The following CLN8 variants were observed in gnomAD, a reference collection of about 807,000 sequenced individuals.
CLN8 encodes protein CLN8.
CLN8 carries 14 observed loss-of-function variants against 15.7 expected under a neutral mutation model. That is an observed-to-expected ratio of 0.89 (90% confidence interval 0.59 to 1.39). The LOEUF (loss-of-function observed/expected upper bound fraction) is 1.39, where lower values mean the gene tolerates loss of function less well. Among genes scored for constraint, CLN8 ranks in the 40% most tolerant of loss-of-function variants. CLN8 has a pLI of 0.00. For missense variants in CLN8, 415 were observed against 364.0 expected (o/e 1.14, Z -1.14); for synonymous variants, 188 against 151.0 (o/e 1.25, Z -1.80).
At chr8:1,779,003 A>G (rs949220603) in intron 2 of CLN8, among the ~76,000 whole-genome samples, 22 of 152,214 alleles carry the variant, frequency 1.4e-4, no homozygotes, top group African/African-American at 5.3e-4. Context: ...CATATAGCAC[A>G]AAGCCTGTTT....
At chr8:1,769,237 A>G (rs1221013969) in intron 1 of CLN8, among the ~76,000 whole-genome samples, 1 of 152,208 alleles carries the variant, frequency 6.6e-6, no homozygotes, top group African/African-American at 2.4e-5. Flanking sequence ...TGTCATTTGC[A>G]TCAGGTCCCA....
chr8:1,761,393 C>T (rs1361614692), upstream of CLN8, among the ~76,000 whole-genome samples: 2 of 152,278 alleles, frequency 1.3e-5, no homozygotes, highest in East Asian at 1.9e-4. Context: ...GGTGCGATTT[C>T]AGCACACTGC....
chr8:1,769,709 C>G (rs370535585), intron 1 of CLN8, among the ~76,000 whole-genome samples: 5 of 152,336 alleles, frequency 3.3e-5, no homozygotes, highest in African/African-American at 9.6e-5. Context: ...ACTTGAGACT[C>G]TGGTGTTTGT....
chr8:1,772,875 C>A, intron 2 of CLN8: 2 of 398,476 alleles, frequency 5.0e-6, no homozygotes, highest in South Asian at 2.6e-4. Context: ...TGCAAATGTT[C>A]AGCCATTCAC....
rs1316232897 is a variant in CLN8, at chr8:1,780,871, TG to T, written c.*306del. ...GCGTCACACCTGTTGAGGAGTGGGGTGGCTTTGAATGCTGGAAATGGCTTCA... is the reference window on the plus strand; with the variant it reads ...GCGTCACACCTGTTGAGGAGTGGGGTGCTTTGAATGCTGGAAATGGCTTCA... On this transcript the variant is annotated 3_prime_UTR_variant, in exon 3 of 3. Transcript: ENST00000331222. The T allele has an allele frequency of 2.1e-6, 1 of 465,804 alleles. No individual in the cohort carries two copies. Among genetic ancestry groups the T allele is most frequent in the Admixed American group, 3.8e-5 (1 of 26,334 alleles). The allele number at this position is 465,804 out of a possible 1,614,324, so 28.9% of individuals were successfully genotyped here.
At chr8:1,763,419 CCGCCCCCCGCCG>C (rs1459540352), upstream of CLN8, 1 of 40,222 alleles carries the variant, frequency 2.5e-5, no homozygotes. Flanking sequence ...CCGCCGCGCC[CCGCCCCCCGCCG>C]CGCCCCGCCC....
upstream of CLN8, chr8:1,763,407 C>CAGCG (rs1800866477): frequency 1.9e-5 from 1 of 53,610 alleles, no homozygotes; most frequent in Non-Finnish European, 3.6e-5. Context: ...GCGCCCCGCC[C>CAGCG]CCCGCCGCGC....
chr8:1,758,078 C>G (rs755207164), intron 1 of CLN8: 8 of 152,078 alleles, frequency 5.3e-5, no homozygotes, highest in Non-Finnish European at 7.4e-5. Context: ...CCCTTTAGTA[C>G]GATATCCCGA....
intron 1 of CLN8, chr8:1,758,596 T>C (rs1211836269): frequency 6.6e-6 from 1 of 152,244 alleles, no homozygotes; most frequent in Non-Finnish European, 1.5e-5. Flanking sequence ...CTTTGTCATT[T>C]AGCAGTGTGT....
intron 1 of CLN8, among the ~76,000 whole-genome samples, chr8:1,768,626 G>A (rs749066149): frequency 6.6e-6 from 1 of 152,148 alleles, no homozygotes; most frequent in Admixed American, 6.5e-5. Context: ...TGTTGTTCAC[G>A]TTAACCCTTG....
upstream of CLN8, chr8:1,763,361 G>T (rs1800860078): frequency 1.0e-5 from 1 of 97,764 alleles, no homozygotes; most frequent in African/African-American, 4.1e-5. Context: ...GTGGTTCAGC[G>T]CGTCCACCCC....
At chr8:1,773,087 T>C (rs563158336) in intron 2 of CLN8, 21 of 395,646 alleles carry the variant, frequency 5.3e-5, no homozygotes, top group African/African-American at 4.1e-4. Context: ...TCAGATACTG[T>C]GCTGGCACCT....
At position 1,771,277 on chromosome 8, in the gene CLN8, G is replaced by A; in HGVS notation, c.223G>A (p.Val75Ile). The change falls in exon 2 of 3, where the codon GTT (valine) becomes ATT (isoleucine). Residue 75 changes from valine (V) to isoleucine (I), a missense_variant. Transcript: ENST00000331222. ...DLAATRAVFG[V>I]QSTAAGLWAL... ...GGCGGCCACGCGTGCAGTCTTTGGT[G>A]TTCAGAGCACAGCCGCAGGCCTGTG... 3.7e-6 allele frequency: 6 copies of A among 1,614,120 alleles called. No individual in the cohort carries two copies. The highest frequency in any genetic ancestry group is 5.1e-6 in the Non-Finnish European group (6 of 1,179,966).
intron 1 of CLN8, among the ~76,000 whole-genome samples, chr8:1,766,380 C>G (rs1009109123): frequency 7.2e-6 from 1 of 138,038 alleles, no homozygotes; most frequent in Non-Finnish European, 1.5e-5. Context: ...GGTTCGGCCT[C>G]CAGTTTTTTG....
chr8:1,776,253 T>C (rs1801511202), intron 2 of CLN8, among the ~76,000 whole-genome samples: 1 of 151,992 alleles, frequency 6.6e-6, no homozygotes, highest in South Asian at 2.1e-4. Context: ...TTCTGGAAGC[T>C]GGAATCTGTG....
intron 1 of CLN8, among the ~76,000 whole-genome samples, chr8:1,768,746 C>T (rs1801181114): frequency 6.6e-6 from 1 of 152,188 alleles, no homozygotes; most frequent in South Asian, 2.1e-4. Flanking sequence ...TGAAGTTGAT[C>T]TGCTCCTGTG....
intron 2 of CLN8, chr8:1,780,011 C>A (rs760305859): frequency 2.0e-6 from 2 of 985,438 alleles, no homozygotes; most frequent in Non-Finnish European, 2.4e-6. Flanking sequence ...GCAAGAGGAG[C>A]AGGAAAACAG....
intron 1 of CLN8, among the ~76,000 whole-genome samples, chr8:1,757,159 T>C (rs1164391056): frequency 6.6e-6 from 1 of 152,138 alleles, no homozygotes; most frequent in Non-Finnish European, 1.5e-5. Context: ...TGTGTCCTCT[T>C]CCAGGATATA....
rs1269674233 is a variant in CLN8 at position 1,771,059 on chromosome 8, A to G, written c.5A>G (p.Asn2Ser). The G allele has an allele frequency of 1.9e-6, 3 of 1,614,058 alleles. No homozygotes were observed. The highest frequency in any genetic ancestry group is 2.7e-5 in the African/African-American group (2 of 75,024). ...TTTGGAATATAGCTGTGGACAATGAATCCTGCGAGCGATGGGGGCACATCA... is the reference window on the plus strand; with the variant it reads ...TTTGGAATATAGCTGTGGACAATGAGTCCTGCGAGCGATGGGGGCACATCA... Reference protein sequence around the residue: MNPASDGGTSES... With the variant: MSPASDGGTSES... The change falls in exon 2 of 3, where the codon AAT (asparagine) becomes AGT (serine). Residue 2 changes from asparagine to serine, a missense_variant. By Grantham distance (46) the Asn-to-Ser change is conservative. Coordinates refer to ENST00000331222, the MANE Select transcript of CLN8 (RefSeq NM_018941.4).
Sources: allele counts gnomAD v4.1 joint callset (sites outside exome capture counted in the v4.1 genomes callset), GRCh38; gene constraint gnomAD v4.1.1; transcripts MANE v1.5; gene names NCBI Gene and HGNC (gene_info 2026-07-23, HGNC 2026-07-21).